JADE3: variants seen among roughly 807,000 people sequenced by gnomAD.
The protein encoded by JADE3 is jade family PHD finger 3.
Under a neutral mutation model 50.1 loss-of-function variants are expected in JADE3, and 2 were observed. The ratio of observed to expected loss-of-function variants is 0.04; its 90% CI spans 0.02 to 0.13. The LOEUF (loss-of-function observed/expected upper bound fraction) is 0.13. Among genes scored for constraint, JADE3 ranks in the 10% least tolerant of loss-of-function variants. JADE3 has a pLI of 1.00. For synonymous variants in JADE3, 218 were observed against 232.9 expected (o/e 0.94, Z 0.58); for missense variants, 475 against 634.4 (o/e 0.75, Z 2.70).
intron 7 of JADE3, among the ~76,000 whole-genome samples, chrX:47,034,803 G>A (rs782157187): frequency 1.3e-3 from 138 of 102,939 alleles, no homozygotes; most frequent in African/African-American, 4.8e-3. Flanking sequence ...TAGTAGAGAC[G>A]GGGTTTCACC....
intron 1 of JADE3, among the ~76,000 whole-genome samples, chrX:46,934,835 G>A (rs1371501825): frequency 8.9e-6 from 1 of 112,294 alleles, no homozygotes; most frequent in Non-Finnish European, 1.9e-5. Flanking sequence ...AGGTTTAGGT[G>A]AAGGTCTATT....
chrX:47,003,977 T>C (rs1928355624), intron 4 of JADE3, among the ~76,000 whole-genome samples: 1 of 107,049 alleles, frequency 9.3e-6, no homozygotes, highest in African/African-American at 3.4e-5. Flanking sequence ...CAGGCTGGAG[T>C]GCAGTGGCAC....
chrX:46,971,305 G>A (rs893589878), intron 1 of JADE3, among the ~76,000 whole-genome samples: 3 of 105,848 alleles, frequency 2.8e-5, no homozygotes, highest in South Asian at 4.5e-4. Flanking sequence ...TAGTAGAGAC[G>A]GGGTTTCACC....
chrX:47,059,636 C>G lies in JADE3; in HGVS notation c.*559C>G, dbSNP rs1929719600. 1 of 112,487 alleles carries G rather than the reference C, an allele frequency of 8.9e-6. No individual in the cohort carries two copies. The highest frequency in any genetic ancestry group is 9.5e-5 in the Admixed American group (1 of 10,499). The allele number at this position is 112,487 out of a possible 1,213,427, so 9.3% of individuals were successfully genotyped here. On this transcript the variant is annotated 3_prime_UTR_variant, in exon 11 of 11. Coordinates refer to ENST00000614628, the MANE Select transcript of JADE3 (RefSeq NM_014735.5). The stretch of plus-strand genomic sequence containing the variant: ...TTGAGTTTCTTTCACAGTATCTTAA[C>G]TTACTGAGTCAATACTCCTCATGCT...
At chrX:47,045,933 A>G (rs1244518085) in intron 8 of JADE3, among the ~76,000 whole-genome samples, 3 of 111,268 alleles carry the variant, frequency 2.7e-5, no homozygotes, top group Non-Finnish European at 5.7e-5. Context: ...ATAAGCATGT[A>G]TATCAAAAAA....
intron 4 of JADE3, among the ~76,000 whole-genome samples, chrX:47,011,857 A>G (rs782689629): frequency 1.8e-5 from 2 of 112,206 alleles, no homozygotes; most frequent in Non-Finnish European, 3.8e-5. Context: ...TTTCTACTTT[A>G]TCACACAAAA....
chrX:46,993,451 G>A (rs1376014933), intron 3 of JADE3, among the ~76,000 whole-genome samples: 10 of 112,044 alleles, frequency 8.9e-5, no homozygotes, highest in African/African-American at 3.2e-4. Context: ...AATTTGCAAA[G>A]CAGCCTTCAA....
chrX:46,938,918 C>A (rs1165130707), intron 1 of JADE3, among the ~76,000 whole-genome samples: 2 of 112,493 alleles, frequency 1.8e-5, no homozygotes, highest in Non-Finnish European at 3.8e-5. Flanking sequence ...ACCTCCGCCT[C>A]CCTGGTTCAA....
In JADE3 at chrX:47,058,801, C is replaced by G. The variant is rs782101073; in HGVS notation, c.2196C>G (p.Cys732Trp). 2 of 1,209,722 alleles carry G rather than the reference C, an allele frequency of 1.7e-6. No homozygotes were observed. Among genetic ancestry groups the G allele is most frequent in the Non-Finnish European group, 2.2e-6 (2 of 893,953 alleles). The change falls in exon 11 of 11, where the codon TGC (cysteine) becomes TGG (tryptophan). Residue 732 changes from cysteine to tryptophan, a missense_variant. By Grantham distance (215) the Cys-to-Trp change is radical. Coordinates refer to ENST00000614628, the MANE Select transcript of JADE3 (RefSeq NM_014735.5). ...RWVKNTEDLQCYVKPTKNMSP... is the reference protein window; with the variant it reads ...RWVKNTEDLQWYVKPTKNMSP... ...TGAAGAACACAGAGGACCTCCAGTG[C>G]TATGTGAAGCCAACCAAGAATATGA... is the stretch of plus-strand genomic sequence containing the variant.
At chrX:46,945,743 C>T in intron 1 of JADE3, among the ~76,000 whole-genome samples, 1 of 111,862 alleles carries the variant, frequency 8.9e-6, no homozygotes, top group Non-Finnish European at 1.9e-5. Flanking sequence ...CTGAGTAACA[C>T]ACTTCACACA....
At chrX:46,969,816 C>T (rs1372477588) in intron 1 of JADE3, among the ~76,000 whole-genome samples, 1 of 111,779 alleles carries the variant, frequency 8.9e-6, no homozygotes, top group Non-Finnish European at 1.9e-5. Flanking sequence ...GTGACAAGAG[C>T]GAAACTCCAT....
At chrX:47,012,776 T>C (rs1424523402) in intron 4 of JADE3, among the ~76,000 whole-genome samples, 1 of 111,005 alleles carries the variant, frequency 9.0e-6, no homozygotes, top group Admixed American at 9.7e-5. Flanking sequence ...CTTTGATCCA[T>C]TTGAATTCAT....
intron 1 of JADE3, among the ~76,000 whole-genome samples, chrX:46,944,509 T>C (rs1421191931): frequency 9.1e-6 from 1 of 110,486 alleles, no homozygotes; most frequent in East Asian, 2.9e-4. Flanking sequence ...GGTTTCACCA[T>C]ATTGTCCAGG....
In JADE3 at chrX:47,054,272, C is replaced by G; in HGVS notation, c.1087C>G (p.Leu363Val). The G allele has an allele frequency of 1.7e-6, 2 of 1,209,436 alleles. No homozygotes were observed. The highest frequency in any genetic ancestry group is 2.2e-6 in the Non-Finnish European group (2 of 894,392). Reference protein sequence around the residue: ...GDEVKFKSYCLKHSQNRQKLG... With the variant: ...GDEVKFKSYCVKHSQNRQKLG... ...CGAAGTGAAGTTCAAGTCATATTGC[C>G]TCAAGCATAGCCAAAACAGGCAGAA... The change falls in exon 9 of 11, where the codon CTC becomes GTC. Residue 363 changes from leucine to valine, a missense_variant. Around this residue, in one of 6 missense-constraint regions of JADE3, gnomAD observed 81 missense variants for 123.8 expected, o/e 0.65. Transcript: ENST00000614628.
At chrX:47,016,211 C>T (rs1420378678) in intron 4 of JADE3, among the ~76,000 whole-genome samples, 4 of 111,162 alleles carry the variant, frequency 3.6e-5, no homozygotes, top group South Asian at 3.8e-4. Context: ...GGCTGGAGAA[C>T]GCAGTCTTGC....
At chrX:47,040,626 T>C (rs995037497) in intron 8 of JADE3, among the ~76,000 whole-genome samples, 7 of 111,900 alleles carry the variant, frequency 6.3e-5, no homozygotes, top group Non-Finnish European at 1.1e-4. Context: ...GTACAATAAA[T>C]GTAATGTGCT....
intron 1 of JADE3, among the ~76,000 whole-genome samples, chrX:46,940,988 G>C (rs1219538410): frequency 9.0e-6 from 1 of 110,828 alleles, no homozygotes; most frequent in Non-Finnish European, 1.9e-5. Context: ...GGTCTGTCAC[G>C]TGGGTTTGTT....
At chrX:47,026,843 C>T (rs782192444) in intron 5 of JADE3, among the ~76,000 whole-genome samples, 3 of 110,817 alleles carry the variant, frequency 2.7e-5, no homozygotes, top group African/African-American at 9.9e-5. Flanking sequence ...GGATAAATAA[C>T]GTGTCAAAGT....
intron 1 of JADE3, among the ~76,000 whole-genome samples, chrX:46,941,665 C>A (rs906685711): frequency 9.0e-6 from 1 of 110,993 alleles, no homozygotes. Flanking sequence ...TTTTGTTGAG[C>A]ATTTTTTTCA....
Sources: allele counts gnomAD v4.1 joint callset (sites outside exome capture counted in the v4.1 genomes callset), GRCh38; gene constraint gnomAD v4.1.1; regional missense constraint gnomAD v4.1.1; transcripts MANE v1.5; gene names NCBI Gene and HGNC (gene_info 2026-07-23, HGNC 2026-07-21).